The following NOS1AP variants were observed in gnomAD, a reference collection of about 807,000 sequenced individuals.
The protein encoded by NOS1AP is carboxyl-terminal PDZ ligand of neuronal nitric oxide synthase protein.
In NOS1AP, 21 loss-of-function variants were observed where a neutral mutation model predicts 56.2. That is an observed-to-expected ratio of 0.37 (90% CI 0.26 to 0.54). The LOEUF (loss-of-function observed/expected upper bound fraction) is 0.54. NOS1AP is among the 20% of genes least tolerant of loss of function. The pLI, the probability that NOS1AP is intolerant of heterozygous loss-of-function variation, is 0.84. For synonymous variants in NOS1AP, 270 were observed against 274.6 expected, an observed-to-expected ratio of 0.98 and a Z score of 0.17; for missense variants, 522 against 657.8, an observed-to-expected ratio of 0.79 and a Z score of 2.26.
chr1:162,084,285 TC>T (rs1413562334), intron 1 of NOS1AP, among the ~76,000 whole-genome samples: 2 of 152,168 alleles, frequency 1.3e-5, no homozygotes, highest in African/African-American at 4.8e-5. Flanking sequence ...GAGCTTTGGA[TC>T]TTATTTAGAT....
chr1:162,347,020 C>T (rs575175738), intron 6 of NOS1AP, among the ~76,000 whole-genome samples: 5 of 152,056 alleles, frequency 3.3e-5, no homozygotes, highest in Non-Finnish European at 5.9e-5. Flanking sequence ...TAGACTTTGG[C>T]GAATATTTTA....
At position 162,305,002 on chromosome 1, in the gene NOS1AP, C is replaced by T. The variant is rs76941965; in HGVS notation, c.344+4296C>T. Among the ~76,000 whole-genome samples, 861 of 152,122 alleles carry T rather than the reference C, an allele frequency of 5.7e-3. 16 individuals are homozygous for T. Among genetic ancestry groups the T allele is most frequent in the African/African-American group, 0.019 (807 of 41,498 alleles). On this transcript the variant is annotated intron_variant, in intron 4 of 9. Transcript: ENST00000361897. ...TACAATTGTTTGTGGCTTTATGAAA[C>T]GCTGGCTTACTGAAGTGTTCATTTT...
chr1:162,300,691 A>G lies in NOS1AP; in HGVS notation c.329A>G (p.Gln110Arg). The change falls in exon 4 of 10, where the codon CAG (glutamine) becomes CGG (arginine). Residue 110 changes from glutamine to arginine, a missense_variant. Coordinates refer to ENST00000361897, the MANE Select transcript of NOS1AP (RefSeq NM_014697.3). Reference sequence around the variant, plus strand: ...GATGAGAGCAAGATGCTGGTGATGCAGGACCCCATCTACAGGTAAGAGCCC... The same window carrying G: ...GATGAGAGCAAGATGCTGGTGATGCGGGACCCCATCTACAGGTAAGAGCCC... The part of the protein sequence containing the change: ...TWDESKMLVM[Q>R]DPIYRIFYVS... The G allele has an allele frequency of 6.2e-7, 1 of 1,614,032 alleles. No homozygotes were observed. The highest frequency in any genetic ancestry group is 8.5e-7 in the Non-Finnish European group (1 of 1,179,928).
chr1:162,213,825 T>C (rs1357113744), intron 2 of NOS1AP, among the ~76,000 whole-genome samples: 2 of 152,254 alleles, frequency 1.3e-5, no homozygotes, highest in African/African-American at 4.8e-5. Flanking sequence ...CTCTTTGTCC[T>C]GAGGAATGCC....
At chr1:162,082,567 G>C (rs1350366071) in intron 1 of NOS1AP, among the ~76,000 whole-genome samples, 5 of 151,994 alleles carry the variant, frequency 3.3e-5, no homozygotes, top group South Asian at 4.2e-4. Context: ...AGTCTATAAG[G>C]GTTCCTTTTT....
intron 2 of NOS1AP, among the ~76,000 whole-genome samples, chr1:162,261,830 T>C (rs953738279): frequency 6.6e-6 from 1 of 152,168 alleles, no homozygotes; most frequent in African/African-American, 2.4e-5. Context: ...ATTTGGGAGA[T>C]TGAGCTGGGA....
intron 2 of NOS1AP, among the ~76,000 whole-genome samples, chr1:162,232,452 C>T (rs1653153011): frequency 6.6e-6 from 1 of 152,096 alleles, no homozygotes; most frequent in Non-Finnish European, 1.5e-5. Flanking sequence ...ATTTTATCTT[C>T]CCTGCTCTGT....
At chr1:162,365,074 A>ATGTGCACG (rs67587415) in intron 8 of NOS1AP, 2 of 1,059,168 alleles carry the variant, frequency 1.9e-6, no homozygotes, top group South Asian at 2.8e-5. Context: ...GTGTGTGTAT[A>ATGTGCACG]TGTGCACGTG....
intron 2 of NOS1AP, among the ~76,000 whole-genome samples, chr1:162,267,439 C>G (rs573873038): frequency 2.7e-5 from 4 of 147,278 alleles, no homozygotes; most frequent in Non-Finnish European, 4.6e-5. Context: ...GGAGAAGAAA[C>G]AGTCAATAAA....
chr1:162,346,521 G>T (rs1657300431), intron 6 of NOS1AP, among the ~76,000 whole-genome samples: 1 of 152,294 alleles, frequency 6.6e-6, no homozygotes, highest in African/African-American at 2.4e-5. Flanking sequence ...GTGTGTATAT[G>T]TAGGTATATA....
chr1:162,210,257 A>T (rs949582549), intron 2 of NOS1AP, among the ~76,000 whole-genome samples: 1 of 152,024 alleles, frequency 6.6e-6, no homozygotes, highest in Non-Finnish European at 1.5e-5. Flanking sequence ...GGTTCCTTGG[A>T]TCTCCTTGCT....
At chr1:162,306,642 A>T (rs2661810) in intron 4 of NOS1AP, among the ~76,000 whole-genome samples, 83,230 of 152,050 alleles carry the variant, frequency 0.55, 22,955 homozygotes, top group East Asian at 0.6. Flanking sequence ...AGCTTTAATA[A>T]GAATAGTTTC....
At chr1:162,132,903 G>A (rs1648813850) in intron 1 of NOS1AP, among the ~76,000 whole-genome samples, 1 of 152,192 alleles carries the variant, frequency 6.6e-6, no homozygotes. Flanking sequence ...TTGCCTGCAT[G>A]TGCCCCAATT....
intron 2 of NOS1AP, among the ~76,000 whole-genome samples, chr1:162,177,571 T>G (rs1486361046): frequency 1.3e-5 from 2 of 152,242 alleles, no homozygotes; most frequent in African/African-American, 4.8e-5. Flanking sequence ...CTCTCTGACC[T>G]GTAGTTATAT....
intron 1 of NOS1AP, among the ~76,000 whole-genome samples, chr1:162,146,416 G>C (rs1649467659): frequency 6.6e-6 from 1 of 152,116 alleles, no homozygotes; most frequent in South Asian, 2.1e-4. Context: ...CCTGGCTGGG[G>C]TTTACACATG....
intron 1 of NOS1AP, among the ~76,000 whole-genome samples, chr1:162,076,903 T>C (rs551356496): frequency 6.6e-6 from 1 of 152,350 alleles, no homozygotes; most frequent in African/African-American, 2.4e-5. Context: ...AGGGTTCATC[T>C]ATAATTTATC....
chr1:162,170,779 A>G (rs1650729982), intron 2 of NOS1AP, among the ~76,000 whole-genome samples: 1 of 152,048 alleles, frequency 6.6e-6, no homozygotes, highest in Non-Finnish European at 1.5e-5. Context: ...TACAAAAACT[A>G]AAAATACAAA....
intron 4 of NOS1AP, among the ~76,000 whole-genome samples, chr1:162,312,678 TA>T: frequency 6.6e-6 from 1 of 151,890 alleles, no homozygotes; most frequent in Non-Finnish European, 1.5e-5. Flanking sequence ...TCCTGAATGG[TA>T]ATGCCTAGGT....
chr1:162,239,328 C>T (rs1653405389), intron 2 of NOS1AP, among the ~76,000 whole-genome samples: 1 of 152,196 alleles, frequency 6.6e-6, no homozygotes, highest in Non-Finnish European at 1.5e-5. Flanking sequence ...TCTCTTATTG[C>T]AAGTTCCTAT....
Sources: gnomAD v4.1 joint callset for allele counts (sites outside exome capture counted in the v4.1 genomes callset) on GRCh38, gnomAD v4.1.1 for gene constraint, MANE v1.5 for transcripts, NCBI Gene and HGNC (gene_info 2026-07-23, HGNC 2026-07-21) for gene names.